Variants in MAP3K4 observed in about 807,000 individuals in gnomAD.
MAP3K4 encodes the protein MAP three kinase 1.
Under a neutral mutation model 185.6 loss-of-function variants are expected in MAP3K4, and 67 were observed. That is an observed-to-expected ratio of 0.36 (90% CI 0.30 to 0.44). The LOEUF is 0.44. Ranked by LOEUF, MAP3K4 falls within the 20% of genes least tolerant of loss-of-function variation. The pLI is 1.00. For synonymous variants in MAP3K4, 702 were observed against 710.4 expected (o/e 0.99, Z 0.19); for missense variants, 1,551 against 1,995.1 (o/e 0.78, Z 4.24).
intron 1 of MAP3K4, among the ~76,000 whole-genome samples, chr6:161,003,249 C>A (rs1197160301): frequency 1.5e-5 from 2 of 130,782 alleles, no homozygotes; most frequent in African/African-American, 3.0e-5. Context: ...ACAAAATGCA[C>A]TGGATAATTT....
At chr6:161,020,892 G>A (rs141816983) in intron 1 of MAP3K4, among the ~76,000 whole-genome samples, 3 of 152,178 alleles carry the variant, frequency 2.0e-5, no homozygotes, top group Non-Finnish European at 2.9e-5. Context: ...GGAATACACA[G>A]GGCCTTTAAG....
chr6:161,061,266 G>T lies in MAP3K4; in HGVS notation c.1708-9342G>T, dbSNP rs1011789679. Among the ~76,000 whole-genome samples, 1 of 152,148 alleles carries T rather than the reference G, an allele frequency of 6.6e-6. No homozygotes were observed. ...TATTCCAAAATAGACAATCATCTCA[G>T]TGTGATTACTGGAAAACAGTTCAAG... On this transcript the variant is annotated intron_variant, in intron 3 of 26. Coordinates refer to ENST00000392142, the MANE Select transcript of MAP3K4 (RefSeq NM_005922.4). This position sits in a 1 kb window ranked among gnomAD's most constrained non-coding sequence, Gnocchi z 4.2.
At chr6:161,001,965 A>T (rs1781340098) in intron 1 of MAP3K4, among the ~76,000 whole-genome samples, 1 of 151,894 alleles carries the variant, frequency 6.6e-6, no homozygotes, top group South Asian at 2.1e-4. Context: ...TTGAGGCTGG[A>T]TACTTTTAAA....
chr6:161,033,312 T>G (rs958224926), intron 1 of MAP3K4, among the ~76,000 whole-genome samples: 1 of 152,212 alleles, frequency 6.6e-6, no homozygotes, highest in Non-Finnish European at 1.5e-5. Flanking sequence ...TCATGATTGA[T>G]TCCTTCTGTT....
intron 2 of MAP3K4, among the ~76,000 whole-genome samples, chr6:161,036,434 A>C (rs1783168902): frequency 6.6e-6 from 1 of 152,232 alleles, no homozygotes; most frequent in African/African-American, 2.4e-5. Flanking sequence ...AAAATCACCC[A>C]TTAAACCTAA....
intron 7 of MAP3K4, among the ~76,000 whole-genome samples, chr6:161,085,771 ATGAGAAGGC>A (rs561061745): frequency 1.4e-4 from 21 of 152,236 alleles, no homozygotes; most frequent in Non-Finnish European, 2.1e-4. Flanking sequence ...CCAAAGAAAC[ATGAGAAGGC>A]AGGAATGAAG....
At chr6:160,999,021 A>G (rs75458670) in intron 1 of MAP3K4, among the ~76,000 whole-genome samples, 1 of 152,254 alleles carries the variant, frequency 6.6e-6, no homozygotes, top group Non-Finnish European at 1.5e-5. Context: ...CCACGTGTTT[A>G]TAAATTAGCA....
intron 3 of MAP3K4, among the ~76,000 whole-genome samples, chr6:161,055,963 A>T (rs1002388912): frequency 6.6e-6 from 1 of 152,108 alleles, no homozygotes; most frequent in Non-Finnish European, 1.5e-5. Flanking sequence ...TCCAGATGGA[A>T]GTTTTGCTTC....
In MAP3K4 at chr6:161,089,356, C is replaced by T. The variant is rs1420558020; in HGVS notation, c.2858C>T (p.Ala953Val). ...CTTTTACTAGTTGTCATGCAGTCTG[C>T]GCATCTCACAATTCAGAGAAAAGCT... ...DNLLLVVMQS[A>V]HLTIQRKAFQ... Residue 953 changes from alanine (A) to valine (V), a missense_variant, in exon 11 of 27, where the codon GCG becomes GTG. This residue lies in a region of MAP3K4 where 261 missense variants were observed against 306.5 expected (regional missense o/e 0.85). Transcript: ENST00000392142. 9.9e-6 allele frequency: 16 copies of T among 1,613,932 alleles called. No individual in the cohort carries two copies. The highest frequency in any genetic ancestry group is 8.3e-5 in the Admixed American group (5 of 59,984).
intron 1 of MAP3K4, among the ~76,000 whole-genome samples, chr6:161,005,442 A>G (rs1019648974): frequency 1.8e-4 from 27 of 152,036 alleles, no homozygotes; most frequent in African/African-American, 6.0e-4. Flanking sequence ...GCCCAGCTTT[A>G]GACTTAAATT....
chr6:161,086,792 C>CA lies in MAP3K4; in HGVS notation c.2556+126dup. On this transcript the variant is annotated intron_variant, in intron 9 of 26. Coordinates refer to ENST00000392142, the MANE Select transcript of MAP3K4 (RefSeq NM_005922.4). This position sits in a 1 kb window ranked among gnomAD's most constrained non-coding sequence, Gnocchi z 4.8. ...GGCTCTGAAGGCTGTACCACAACCC[C>CA]AGTTGTAAGACTGTCCTGTAATTCA... is the stretch of plus-strand genomic sequence containing the variant. The CA allele has an allele frequency of 1.5e-6, 1 of 671,796 alleles. No homozygotes were observed. Among genetic ancestry groups the CA allele is most frequent in the Non-Finnish European group, 2.5e-6 (1 of 396,174 alleles). 41.6% of individuals were successfully genotyped at this position (671,796 alleles called of 1,614,324 possible).
At position 161,100,297 on chromosome 6, in the gene MAP3K4, A is replaced by G. The variant is rs1777782100; in HGVS notation, c.3675-1595A>G. Among the ~76,000 whole-genome samples, 1 of 152,228 alleles carries G rather than the reference A, an allele frequency of 6.6e-6. No individual in the cohort carries two copies. Among genetic ancestry groups the G allele is most frequent in the Admixed American group, 6.5e-5 (1 of 15,286 alleles). The stretch of plus-strand genomic sequence containing the variant: ...TTGTGAATGTGCCACGGGGAGGCAG[A>G]ATGACACCAGTGTGTGCATCCCTGC... On this transcript the variant is annotated intron_variant, in intron 17 of 26. Coordinates refer to ENST00000392142, the MANE Select transcript of MAP3K4 (RefSeq NM_005922.4). The surrounding 1 kb of genome is among the most constrained non-coding windows in gnomAD (Gnocchi z 5.8).
intron 3 of MAP3K4, among the ~76,000 whole-genome samples, chr6:161,065,143 C>G (rs1784651781): frequency 1.3e-5 from 2 of 152,116 alleles, no homozygotes; most frequent in South Asian, 4.1e-4. Context: ...TCTGGATCAG[C>G]CACATTGAGG....
Position 161,084,647 on chromosome 6 carries a change from C to G in MAP3K4, c.2372+30C>G. The G allele has an allele frequency of 8.1e-7, 1 of 1,231,784 alleles. No homozygotes were observed. Among genetic ancestry groups the G allele is most frequent in the Non-Finnish European group, 1.2e-6 (1 of 831,900 alleles). The allele number at this position is 1,231,784 out of a possible 1,614,324, so 76.3% of individuals were successfully genotyped here. On this transcript the variant is annotated intron_variant, in intron 7 of 26. Transcript: ENST00000392142. The surrounding 1 kb of genome is among the most constrained non-coding windows in gnomAD (Gnocchi z 4.6). ...GAGTTGTGCTTCCTTTCCCCTTCCA[C>G]TTCTTATCTCGTAGTTTCCTTCCTC... is the stretch of plus-strand genomic sequence containing the variant.
Position 161,080,009 on chromosome 6 carries a change from G to A in MAP3K4, c.2098-872G>A, listed in dbSNP as rs1333496345. ...TGTAAACATCTGAGTGTGGACACCCGAGTGTAGTCACCTTCAGGATGTGGG... is the reference window on the plus strand; with the variant it reads ...TGTAAACATCTGAGTGTGGACACCCAAGTGTAGTCACCTTCAGGATGTGGG... On this transcript the variant is annotated intron_variant, in intron 5 of 26. Coordinates refer to ENST00000392142, the MANE Select transcript of MAP3K4 (RefSeq NM_005922.4). This position sits in a 1 kb window ranked among gnomAD's most constrained non-coding sequence, Gnocchi z 4.8. Among the ~76,000 whole-genome samples the A allele has an allele frequency of 1.3e-5, 2 of 152,200 alleles. No homozygotes were observed. Among genetic ancestry groups the A allele is most frequent in the African/African-American group, 4.8e-5 (2 of 41,456 alleles).
intron 2 of MAP3K4, among the ~76,000 whole-genome samples, chr6:161,046,149 A>G (rs1023969213): frequency 6.6e-6 from 1 of 152,044 alleles, no homozygotes; most frequent in African/African-American, 2.4e-5. Context: ...CCAGTCCTAC[A>G]CAGTGATACA....
chr6:161,091,244 A>G lies in MAP3K4; in HGVS notation c.2974-135A>G. 1.7e-6 allele frequency: 1 copy of G among 605,366 alleles called. No individual in the cohort carries two copies. Among genetic ancestry groups the G allele is most frequent in the Non-Finnish European group, 2.8e-6 (1 of 359,110 alleles). 37.5% of individuals were successfully genotyped at this position (605,366 alleles called of 1,614,324 possible). A position where few individuals can be genotyped will look rare whatever the true frequency, so the allele number is the denominator to read the frequency against. ...TGACATAATTTCTTCTATATTTGGT[A>G]ATTCCTTTACCAAGTGGCTGAATTG... On this transcript the variant is annotated intron_variant, in intron 11 of 26. Transcript: ENST00000392142. This position sits in a 1 kb window ranked among gnomAD's most constrained non-coding sequence, Gnocchi z 5.5.
chr6:161,076,009 C>G lies in MAP3K4; in HGVS notation c.2097+2397C>G, dbSNP rs548515593. 3.2e-4 allele frequency among the ~76,000 whole-genome samples: 48 copies of G among 152,068 alleles called. No homozygotes were observed. Among genetic ancestry groups the G allele is most frequent in the African/African-American group, 1.1e-3 (44 of 41,510 alleles). On this transcript the variant is annotated intron_variant, in intron 5 of 26. Coordinates refer to ENST00000392142, the MANE Select transcript of MAP3K4 (RefSeq NM_005922.4). This position sits in a 1 kb window ranked among gnomAD's most constrained non-coding sequence, Gnocchi z 4.2. ...ATGTTTAACACCCTTGTCTGGAAAC[C>G]CACCGAAAACAGCAAATGGAAAAAT...
intron 19 of MAP3K4, among the ~76,000 whole-genome samples, chr6:161,105,685 G>GA (rs1055861014): frequency 6.6e-6 from 1 of 152,200 alleles, no homozygotes; most frequent in African/African-American, 2.4e-5. Flanking sequence ...TAATGGAAGT[G>GA]AAAAGTAAAG....
Sources: allele counts gnomAD v4.1 joint callset (sites outside exome capture counted in the v4.1 genomes callset), GRCh38; gene constraint gnomAD v4.1.1; regional missense constraint gnomAD v4.1.1; non-coding constraint Gnocchi (gnomAD v3.1); transcripts MANE v1.5; gene names NCBI Gene and HGNC (gene_info 2026-07-23, HGNC 2026-07-21).